The following PTPRN2 variants were observed in gnomAD, a reference collection of about 807,000 sequenced individuals.
PTPRN2 encodes protein tyrosine phosphatase receptor type N2, also known as receptor-type tyrosine-protein phosphatase N2.
A neutral mutation model predicts 118.8 loss-of-function variants in PTPRN2; 74 were observed. The ratio of observed to expected loss-of-function variants is 0.62; its 90% confidence interval spans 0.52 to 0.76. The LOEUF is 0.76. Ranked by LOEUF, PTPRN2 falls within the 30% of genes least tolerant of loss-of-function variation. PTPRN2 has a pLI of 0.00. For missense variants in PTPRN2, 1,481 were observed against 1,394.4 expected (o/e 1.06, Z -0.99); for synonymous variants, 641 against 608.0 (o/e 1.05, Z -0.80).
At chr7:157,853,252 C>T (rs969302075) in intron 12 of PTPRN2, among the ~76,000 whole-genome samples, 10 of 152,168 alleles carry the variant, frequency 6.6e-5, no homozygotes, top group African/African-American at 9.7e-5. Flanking sequence ...CAGAGGCTCA[C>T]GCTCACATGA....
chr7:158,119,602 T>A (rs2150389579), intron 9 of PTPRN2, among the ~76,000 whole-genome samples: 1 of 150,756 alleles, frequency 6.6e-6, no homozygotes, highest in Admixed American at 6.6e-5. Context: ...TACAAGAAGA[T>A]ATTTGAAAGA....
chr7:158,572,647 T>A (rs1444867073), intron 1 of PTPRN2, among the ~76,000 whole-genome samples: 1 of 152,232 alleles, frequency 6.6e-6, no homozygotes, highest in East Asian at 1.9e-4. Flanking sequence ...CCTGGGTCTC[T>A]GCCCTCTGAC....
intron 3 of PTPRN2, among the ~76,000 whole-genome samples, chr7:158,251,289 G>A (rs187129101): frequency 1.9e-4 from 29 of 152,324 alleles, no homozygotes; most frequent in Admixed American, 4.6e-4. Context: ...GGAGAACCTC[G>A]CCTTTCTCCC....
At chr7:157,814,272 C>A (rs1383244160) in intron 12 of PTPRN2, among the ~76,000 whole-genome samples, 1 of 152,206 alleles carries the variant, frequency 6.6e-6, no homozygotes, top group African/African-American at 2.4e-5. Context: ...CATCATAAAA[C>A]GGATGTGCGC....
rs1029387623 is a variant in PTPRN2, at chr7:157,784,186, A to G, written c.1789-101249T>C. 3.3e-5 allele frequency among the ~76,000 whole-genome samples: 5 copies of G among 152,108 alleles called. No individual in the cohort carries two copies. The highest frequency in any genetic ancestry group is 1.2e-4 in the African/African-American group (5 of 41,434). On this transcript the variant is annotated intron_variant, in intron 12 of 22. Coordinates refer to ENST00000389418, the MANE Select transcript of PTPRN2 (RefSeq NM_002847.5). The surrounding 1 kb of genome is among the most constrained non-coding windows in gnomAD (Gnocchi z 4.6). ...CAGCTCAACGTTAGGCCAGGGACCAATCTTACCACGTGGCTTCTGGCCCAG... is the reference window on the plus strand; with the variant it reads ...CAGCTCAACGTTAGGCCAGGGACCAGTCTTACCACGTGGCTTCTGGCCCAG...
chr7:158,157,507 T>C (rs1256762585), intron 6 of PTPRN2, among the ~76,000 whole-genome samples: 1 of 152,228 alleles, frequency 6.6e-6, no homozygotes, highest in South Asian at 2.1e-4. Flanking sequence ...CTGAAAGCAG[T>C]GACTCTGCAC....
chr7:158,238,257 G>C lies in PTPRN2; in HGVS notation c.278-32984C>G, dbSNP rs553416163. On this transcript the variant is annotated intron_variant, in intron 3 of 22. Transcript: ENST00000389418. ...GCATCCCTCCCTACAGCTGGGCCTG[G>C]AGAGGAGCCCAGCACACCTGATGGC... Among the ~76,000 whole-genome samples, 4 of 152,236 alleles carry C rather than the reference G, an allele frequency of 2.6e-5. No individual in the cohort carries two copies. In the East Asian group the frequency reaches 7.8e-4, roughly 30 times the overall value.
rs1008930511 is a variant in PTPRN2 at position 157,674,813 on chromosome 7, G to A, written c.2001+7912C>T. ...CCTGGAGATTCCGGCCCTGCCGGGCGTCTCCTCCCACGCCGAGCTCCTCCT... is the reference window on the plus strand; with the variant it reads ...CCTGGAGATTCCGGCCCTGCCGGGCATCTCCTCCCACGCCGAGCTCCTCCT... On this transcript the variant is annotated intron_variant, in intron 13 of 22. Coordinates refer to ENST00000389418, the MANE Select transcript of PTPRN2 (RefSeq NM_002847.5). The surrounding 1 kb of genome is among the most constrained non-coding windows in gnomAD (Gnocchi z 4.5). Among the ~76,000 whole-genome samples the A allele has an allele frequency of 2.0e-5, 3 of 152,228 alleles. No individual in the cohort carries two copies. The highest frequency in any genetic ancestry group is 2.0e-4 in the Admixed American group (3 of 15,286).
intron 12 of PTPRN2, among the ~76,000 whole-genome samples, chr7:157,707,039 C>A (rs565283025): frequency 6.6e-6 from 1 of 152,334 alleles, no homozygotes; most frequent in South Asian, 2.1e-4. Flanking sequence ...CACATCCCTC[C>A]AGAATGCCAG....
rs558846881 is a variant in PTPRN2 at position 158,061,459 on chromosome 7, C to T, written c.1723+19839G>A. Among the ~76,000 whole-genome samples the T allele has an allele frequency of 1.8e-4, 28 of 152,324 alleles. No individual in the cohort carries two copies. In the South Asian group the frequency reaches 5.8e-3, roughly 32 times the overall value. On this transcript the variant is annotated intron_variant, in intron 11 of 22. Transcript: ENST00000389418. ...CCCCAGGCACAACACAAGCGCTCGG[C>T]AGAGAAATGGACCGTGCCGCCAATG...
chr7:157,544,760 C>T (rs1037656177), intron 22 of PTPRN2, among the ~76,000 whole-genome samples: 6 of 152,162 alleles, frequency 3.9e-5, no homozygotes, highest in African/African-American at 1.2e-4. Context: ...GAGGCATGGA[C>T]GGGAGAGAGG....
chr7:157,965,317 G>A (rs1389354912), intron 11 of PTPRN2, among the ~76,000 whole-genome samples: 1 of 152,088 alleles, frequency 6.6e-6, no homozygotes, highest in South Asian at 2.1e-4. Context: ...AGTTTAGCTG[G>A]AGCATAGCCC....
chr7:157,916,313 G>A (rs1331137580), intron 11 of PTPRN2, among the ~76,000 whole-genome samples: 1 of 152,200 alleles, frequency 6.6e-6, no homozygotes, highest in Non-Finnish European at 1.5e-5. Context: ...AGGGCCTGGT[G>A]GTTATGGTCC....
At chr7:158,460,241 C>T (rs1448236775) in intron 2 of PTPRN2, among the ~76,000 whole-genome samples, 5 of 127,408 alleles carry the variant, frequency 3.9e-5, no homozygotes, top group Non-Finnish European at 8.3e-5. Flanking sequence ...TGCTACAGTG[C>T]CTGTGTGCCG....
chr7:157,752,570 C>T (rs1365529669), intron 12 of PTPRN2, among the ~76,000 whole-genome samples: 1 of 152,198 alleles, frequency 6.6e-6, no homozygotes, highest in African/African-American at 2.4e-5. Flanking sequence ...CTGGCTTCTT[C>T]ACCCGAAAGC....
intron 11 of PTPRN2, among the ~76,000 whole-genome samples, chr7:157,984,718 C>G (rs552745820): frequency 2.0e-5 from 3 of 152,284 alleles, no homozygotes; most frequent in Admixed American, 2.0e-4. Context: ...TTCTCCCTGA[C>G]TCCAGCTCTC....
intron 1 of PTPRN2, among the ~76,000 whole-genome samples, chr7:158,538,238 G>A (rs958278330): frequency 6.6e-6 from 1 of 152,212 alleles, no homozygotes; most frequent in Non-Finnish European, 1.5e-5. Flanking sequence ...ACTCGACGTA[G>A]CCCACAGCCA....
chr7:158,161,442 G>T (rs921494855), intron 6 of PTPRN2, among the ~76,000 whole-genome samples: 2 of 152,188 alleles, frequency 1.3e-5, no homozygotes, highest in African/African-American at 4.8e-5. Context: ...ACATACATGA[G>T]GTCAGCCGAG....
intron 3 of PTPRN2, among the ~76,000 whole-genome samples, chr7:158,302,771 C>T (rs1230013054): frequency 2.0e-5 from 3 of 152,184 alleles, no homozygotes; most frequent in Non-Finnish European, 4.4e-5. Context: ...TAAGAGGCCC[C>T]TAAGCTCTTT....
Sources: gnomAD v4.1 joint callset for allele counts (sites outside exome capture counted in the v4.1 genomes callset) on GRCh38, gnomAD v4.1.1 for gene constraint, Gnocchi (gnomAD v3.1) non-coding constraint, MANE v1.5 for transcripts, NCBI Gene and HGNC (gene_info 2026-07-23, HGNC 2026-07-21) for gene names.